The following TENM4 variants were observed in gnomAD, a reference collection of about 807,000 sequenced individuals.
TENM4 encodes the protein teneurin transmembrane protein 4, also known as teneurin-4.
Under a neutral mutation model 243.3 loss-of-function variants are expected in TENM4, and 82 were observed. The observed-to-expected ratio is 0.34, with a 90% CI of 0.28 to 0.40. TENM4 has a LOEUF of 0.40. TENM4 is among the 10% of genes least tolerant of loss of function. TENM4 has a pLI of 1.00. For synonymous variants in TENM4, 1,412 were observed against 1,456.3 expected, an observed-to-expected ratio of 0.97 and a Z score of 0.69; for missense variants, 3,138 against 3,673.3, an observed-to-expected ratio of 0.85 and a Z score of 3.77.
At chr11:78,952,827 G>C (rs1332150673) in intron 6 of TENM4, among the ~76,000 whole-genome samples, 1 of 152,090 alleles carries the variant, frequency 6.6e-6, no homozygotes, top group Non-Finnish European at 1.5e-5. Flanking sequence ...CCATTTTATA[G>C]ATGGGCAACT....
chr11:78,853,817 T>G (rs1281965019), intron 12 of TENM4, among the ~76,000 whole-genome samples: 10 of 152,210 alleles, frequency 6.6e-5, no homozygotes. Flanking sequence ...CTGTGTGGCT[T>G]GTCCAGGATT....
At chr11:79,047,867 T>C (rs1206671433) in intron 6 of TENM4, among the ~76,000 whole-genome samples, 3 of 152,242 alleles carry the variant, frequency 2.0e-5, no homozygotes, top group Admixed American at 6.5e-5. Flanking sequence ...TGTATTTGAA[T>C]AGGCTTATGT....
chr11:78,844,478 C>A (rs1001376427), intron 12 of TENM4, among the ~76,000 whole-genome samples: 1 of 152,146 alleles, frequency 6.6e-6, no homozygotes, highest in Admixed American at 6.5e-5. Context: ...CCCGTCTCTA[C>A]TAAAAATACA....
chr11:79,331,306 G>A (rs1350523722), intron 1 of TENM4, among the ~76,000 whole-genome samples: 2 of 152,240 alleles, frequency 1.3e-5, no homozygotes, highest in East Asian at 1.9e-4. Context: ...AGGCCTTGGA[G>A]TAAGAGTCTT....
rs938543870 is a variant in TENM4 at position 78,655,128 on chromosome 11, G to A, written c.*2930C>T. On this transcript the variant is annotated 3_prime_UTR_variant, in exon 34 of 34. Coordinates refer to ENST00000278550, the MANE Select transcript of TENM4 (RefSeq NM_001098816.3). ...CCCTTGCCATGGGTTTGTGACTGCT[G>A]GTCTTAGCAGGAGGACAGCTTGAGG... 2.6e-5 allele frequency: 4 copies of A among 152,174 alleles called. No homozygotes were observed. The highest frequency in any genetic ancestry group is 7.2e-5 in the African/African-American group (3 of 41,420). The allele number at this position is 152,174 out of a possible 1,614,324, so 9.4% of individuals were successfully genotyped here. A position where few individuals can be genotyped will look rare whatever the true frequency, so the allele number is the denominator to read the frequency against.
intron 3 of TENM4, among the ~76,000 whole-genome samples, chr11:79,212,808 A>G (rs1239694317): frequency 1.3e-5 from 2 of 152,060 alleles, no homozygotes; most frequent in Non-Finnish European, 2.9e-5. Context: ...TTAGTGTCCC[A>G]TTTACCTCCT....
intron 3 of TENM4, among the ~76,000 whole-genome samples, chr11:79,167,013 G>T (rs1344953641): frequency 2.6e-5 from 4 of 152,194 alleles, no homozygotes; most frequent in African/African-American, 9.7e-5. Context: ...ACTCTTAGAG[G>T]CTCATGAATG....
In TENM4 at chr11:78,756,796, C is replaced by T. The variant is rs369430569; in HGVS notation, c.2756+9G>A. The T allele has an allele frequency of 2.1e-5, 34 of 1,610,030 alleles. No homozygotes were observed. Among genetic ancestry groups the T allele is most frequent in the African/African-American group, 8.0e-5 (6 of 74,996 alleles). On this transcript the variant is annotated intron_variant, in intron 19 of 33. Coordinates refer to ENST00000278550, the MANE Select transcript of TENM4 (RefSeq NM_001098816.3). ...GAGCCCTGGCTGGAGCTGGGGCCCTCGGACTCACCCTCCATCAAAGGGGTT... is the reference window on the plus strand; with the variant it reads ...GAGCCCTGGCTGGAGCTGGGGCCCTTGGACTCACCCTCCATCAAAGGGGTT...
At chr11:78,780,690 T>A (rs1163953488) in intron 16 of TENM4, among the ~76,000 whole-genome samples, 1 of 152,230 alleles carries the variant, frequency 6.6e-6, no homozygotes, top group East Asian at 1.9e-4. Context: ...GGCCAGGGGC[T>A]GACTTAAGAG....
At chr11:79,223,715 T>C (rs907549637) in intron 2 of TENM4, among the ~76,000 whole-genome samples, 11 of 152,202 alleles carry the variant, frequency 7.2e-5, no homozygotes, top group Non-Finnish European at 1.2e-4. Flanking sequence ...CTGTCTTCCA[T>C]GGCTCTTCCT....
At chr11:79,054,712 C>A (rs1474615780) in intron 6 of TENM4, among the ~76,000 whole-genome samples, 2 of 152,116 alleles carry the variant, frequency 1.3e-5, no homozygotes, top group South Asian at 2.1e-4. Context: ...TCCCAAAGTG[C>A]TGAGATTACA....
intron 1 of TENM4, among the ~76,000 whole-genome samples, chr11:79,422,748 G>C (rs988765115): frequency 1.3e-5 from 2 of 152,180 alleles, no homozygotes; most frequent in South Asian, 2.1e-4. Context: ...TGGTAGAACA[G>C]AGGGAGGGAG....
rs564780570 is a variant in TENM4 at position 78,783,691 on chromosome 11, T to G, written c.2365+3207A>C. Among the ~76,000 whole-genome samples, 5 of 152,342 alleles carry G rather than the reference T, an allele frequency of 3.3e-5. 1 individual carries two copies. The South Asian group carries it at 1.0e-3, about 32-fold the overall frequency. On this transcript the variant is annotated intron_variant, in intron 16 of 33. Coordinates refer to ENST00000278550, the MANE Select transcript of TENM4 (RefSeq NM_001098816.3). ...AGGAATTAGGATTGAATGTGAAATATTTTTGCTGTTTGACAAAAATACTGT... is the reference window on the plus strand; with the variant it reads ...AGGAATTAGGATTGAATGTGAAATAGTTTTGCTGTTTGACAAAAATACTGT...
intron 6 of TENM4, among the ~76,000 whole-genome samples, chr11:78,999,158 C>G (rs141096828): frequency 6.6e-6 from 1 of 152,260 alleles, no homozygotes; most frequent in East Asian, 1.9e-4. Flanking sequence ...ATTAGGGACA[C>G]CAGTGGTCAC....
At chr11:78,923,072 C>G (rs1174710887) in intron 6 of TENM4, among the ~76,000 whole-genome samples, 1 of 152,088 alleles carries the variant, frequency 6.6e-6, no homozygotes, top group Non-Finnish European at 1.5e-5. Context: ...TTGGTTCTTG[C>G]TATCAAGTGG....
intron 20 of TENM4, among the ~76,000 whole-genome samples, chr11:78,734,996 G>C (rs1469354230): frequency 6.6e-6 from 1 of 152,240 alleles, no homozygotes; most frequent in Non-Finnish European, 1.5e-5. Context: ...TGCAGGATCT[G>C]ATCTTGACTC....
At chr11:79,264,325 G>C (rs1165968245) in intron 2 of TENM4, among the ~76,000 whole-genome samples, 4 of 152,210 alleles carry the variant, frequency 2.6e-5, no homozygotes, top group African/African-American at 9.6e-5. Flanking sequence ...GCCAAATAAG[G>C]CTCATTACCA....
chr11:79,098,296 C>T (rs563706185), intron 4 of TENM4, among the ~76,000 whole-genome samples: 2 of 150,872 alleles, frequency 1.3e-5, no homozygotes, highest in East Asian at 4.0e-4. Flanking sequence ...CTGCTTATCT[C>T]TCCTGGCTTC....
At chr11:78,968,927 T>G (rs927810405) in intron 6 of TENM4, among the ~76,000 whole-genome samples, 3 of 152,192 alleles carry the variant, frequency 2.0e-5, no homozygotes, top group African/African-American at 7.2e-5. Context: ...AACTTCCTAT[T>G]GGGCAAACCA....
Sources: gnomAD v4.1 joint callset for allele counts (sites outside exome capture counted in the v4.1 genomes callset) on GRCh38, gnomAD v4.1.1 for gene constraint, MANE v1.5 for transcripts, NCBI Gene and HGNC (gene_info 2026-07-23, HGNC 2026-07-21) for gene names.